The following PRSS12 variants were observed in gnomAD, a reference collection of about 807,000 sequenced individuals.
The protein encoded by PRSS12 is neurotrypsin.
Under a neutral mutation model 104.4 loss-of-function variants are expected in PRSS12, and 85 were observed. The observed-to-expected ratio is 0.81, with a 90% CI of 0.68 to 0.98. The LOEUF is 0.98. Ranked by LOEUF, PRSS12 falls within the 50% of genes least tolerant of loss-of-function variation. The pLI is 0.00. For missense variants in PRSS12, 1,141 were observed against 1,139.2 expected, an observed-to-expected ratio of 1.00 and a Z score of -0.02; for synonymous variants, 454 against 425.2, an observed-to-expected ratio of 1.07 and a Z score of -0.83.
rs564753007 is a variant in PRSS12, at chr4:118,311,050, C to CAATT, written c.1489+2147_1489+2150dup. 2.2e-3 allele frequency among the ~76,000 whole-genome samples: 336 copies of CAATT among 151,674 alleles called. 2 individuals are homozygous for CAATT. The highest frequency in any genetic ancestry group is 7.1e-3 in the African/African-American group (292 of 41,280). ...TGGGTGACAGAGTGAGACTCTGTCT[C>CAATT]AATTAATTAATTAATTAATTAATTA... On this transcript the variant is annotated intron_variant, in intron 7 of 12. Coordinates refer to ENST00000296498, the MANE Select transcript of PRSS12 (RefSeq NM_003619.4).
chr4:118,320,208 A>G (rs926173268), intron 4 of PRSS12, among the ~76,000 whole-genome samples: 2 of 152,146 alleles, frequency 1.3e-5, no homozygotes, highest in African/African-American at 2.4e-5. Context: ...ATGATACTGC[A>G]TCTACTCCCC....
intron 9 of PRSS12, among the ~76,000 whole-genome samples, chr4:118,296,293 G>A (rs1196697424): frequency 2.0e-5 from 3 of 152,158 alleles, no homozygotes; most frequent in Non-Finnish European, 2.9e-5. Flanking sequence ...TAACTCAGAA[G>A]AGCAAAGCAC....
chr4:118,288,164 A>T (rs940105978), intron 11 of PRSS12, among the ~76,000 whole-genome samples: 1 of 152,192 alleles, frequency 6.6e-6, no homozygotes, highest in Non-Finnish European at 1.5e-5. Context: ...CTACTACTAA[A>T]ATCTGTTTTT....
At chr4:118,304,654 T>C (rs955443255) in intron 8 of PRSS12, among the ~76,000 whole-genome samples, 1 of 152,028 alleles carries the variant, frequency 6.6e-6, no homozygotes, top group African/African-American at 2.4e-5. Flanking sequence ...CATGACTACT[T>C]AGTCTATCTC....
intron 2 of PRSS12, among the ~76,000 whole-genome samples, chr4:118,336,005 G>A (rs1724056400): frequency 6.6e-6 from 1 of 152,176 alleles, no homozygotes; most frequent in South Asian, 2.1e-4. Flanking sequence ...ACTCCAGTCT[G>A]GGCTCAGCTA....
chr4:118,295,703 C>T, intron 10 of PRSS12, 75 bp downstream of exon 10: 2 of 1,342,168 alleles, frequency 1.5e-6, no homozygotes, highest in East Asian at 2.3e-5. Flanking sequence ...TATAACAGAA[C>T]ATCCCCAGTT....
At chr4:118,331,985 C>A in intron 3 of PRSS12, 119 bp from the exon 4 acceptor site, 1 of 1,274,956 alleles carries the variant, frequency 7.8e-7, no homozygotes, top group East Asian at 2.5e-5. Flanking sequence ...TAAAGCCACA[C>A]CAGTGATATG....
chr4:118,287,031 G>A (rs1258198357), intron 11 of PRSS12, among the ~76,000 whole-genome samples: 1 of 152,136 alleles, frequency 6.6e-6, no homozygotes, highest in Non-Finnish European at 1.5e-5. Flanking sequence ...CCAATCAGCA[G>A]TTTATATTAA....
chr4:118,298,997 T>C, intron 8 of PRSS12, 59 bp from the exon 9 acceptor site: 2 of 1,547,860 alleles, frequency 1.3e-6, no homozygotes, highest in Non-Finnish European at 1.8e-6. Context: ...TCTGAATAAA[T>C]CACAACATGT....
intron 7 of PRSS12, among the ~76,000 whole-genome samples, chr4:118,311,579 T>C (rs1246673016): frequency 6.6e-6 from 1 of 152,208 alleles, no homozygotes; most frequent in Admixed American, 6.5e-5. Flanking sequence ...CAAATAGTAA[T>C]ATGATTCTAT....
Position 118,281,722 on chromosome 4 carries a change from G to C in PRSS12, c.*214C>G. ...AAGTCACTCCAGTGAAATTAGGGTA[G>C]AAAATGTTCATTTAAGGATTATCAC... On this transcript the variant is annotated 3_prime_UTR_variant, in exon 13 of 13. Coordinates refer to ENST00000296498, the MANE Select transcript of PRSS12 (RefSeq NM_003619.4). The C allele has an allele frequency of 1.7e-6, 1 of 591,982 alleles. No homozygotes were observed. The highest frequency in any genetic ancestry group is 2.0e-5 in the South Asian group (1 of 50,440). The allele number at this position is 591,982 out of a possible 1,614,324, so 36.7% of individuals were successfully genotyped here. A position where few individuals can be genotyped will look rare whatever the true frequency, so the allele number is the denominator to read the frequency against.
At chr4:118,331,985 C>G in intron 3 of PRSS12, 119 bp from the exon 4 acceptor site, 1 of 1,274,956 alleles carries the variant, frequency 7.8e-7, no homozygotes, top group Non-Finnish European at 1.1e-6. Flanking sequence ...TAAAGCCACA[C>G]CAGTGATATG....
chr4:118,313,080 G>T, intron 7 of PRSS12, 121 bp downstream of exon 7: 12 of 1,095,396 alleles, frequency 1.1e-5, no homozygotes, highest in Non-Finnish European at 1.1e-5. Flanking sequence ...AAATTAGACA[G>T]TTATGGGAAA....
In PRSS12 at chr4:118,298,925, C is replaced by T. The variant is rs139381330; in HGVS notation, c.1645G>A (p.Ala549Thr). Reference sequence around the variant, plus strand: ...TCTCCAAAGTAAGCCATGGTTCTTGCTCTGGCAGGACCCCTGAAGACAGAA... The same window carrying T: ...TCTCCAAAGTAAGCCATGGTTCTTGTTCTGGCAGGACCCCTGAAGACAGAA... ...RQLGYKGPARARTMAYFGEGK... is the reference protein window; with the variant it reads ...RQLGYKGPARTRTMAYFGEGK... The change falls in exon 9 of 13, where the codon GCA becomes ACA. Residue 549 changes from alanine to threonine, a missense_variant. By Grantham distance (58) the Ala-to-Thr change is moderately conservative. Coordinates refer to ENST00000296498, the MANE Select transcript of PRSS12 (RefSeq NM_003619.4). 59 of 1,614,042 alleles carry T rather than the reference C, an allele frequency of 3.7e-5. No individual in the cohort carries two copies. The highest frequency in any genetic ancestry group is 4.9e-5 in the Non-Finnish European group (58 of 1,180,032).
chr4:118,321,231 T>C (rs950008980), intron 4 of PRSS12, among the ~76,000 whole-genome samples: 6 of 152,254 alleles, frequency 3.9e-5, no homozygotes, highest in Non-Finnish European at 1.5e-5. Context: ...GAAAGTCATG[T>C]CTACTCTGGA....
rs1035613261 is a variant in PRSS12, at chr4:118,298,974, A to T, written c.1632-36T>A. ...AACATTCTTAATCATGTGAAGAATCAGTCAGTCATATATCTGAATAAATCA... is the reference window on the plus strand; with the variant it reads ...AACATTCTTAATCATGTGAAGAATCTGTCAGTCATATATCTGAATAAATCA... On this transcript the variant is annotated intron_variant, in intron 8 of 12. Transcript: ENST00000296498. 8 of 1,595,802 alleles carry T rather than the reference A, an allele frequency of 5.0e-6. No individual in the cohort carries two copies. In the African/African-American group the frequency reaches 1.1e-4, roughly 21 times the overall value.
intron 8 of PRSS12, among the ~76,000 whole-genome samples, chr4:118,304,614 C>T (rs1377765092): frequency 6.6e-6 from 1 of 151,940 alleles, no homozygotes; most frequent in Non-Finnish European, 1.5e-5. Context: ...ACTGGATCCA[C>T]ATAAAGTGTA....
intron 8 of PRSS12, among the ~76,000 whole-genome samples, chr4:118,301,137 A>G (rs1022562408): frequency 1.1e-4 from 16 of 151,914 alleles, no homozygotes; most frequent in Non-Finnish European, 2.1e-4. Context: ...CTGTCTTACT[A>G]TTAGTGTTAG....
intron 3 of PRSS12, among the ~76,000 whole-genome samples, chr4:118,333,977 A>G (rs1723998676): frequency 6.6e-6 from 1 of 152,180 alleles, no homozygotes; most frequent in Admixed American, 6.5e-5. Context: ...TTTGTATCCA[A>G]GTTGCATGCA....
Sources: allele counts gnomAD v4.1 joint callset (sites outside exome capture counted in the v4.1 genomes callset), GRCh38; gene constraint gnomAD v4.1.1; transcripts MANE v1.5; gene names NCBI Gene and HGNC (gene_info 2026-07-23, HGNC 2026-07-21).